Variants in ZNF475 observed in about 807,000 individuals in gnomAD.
ZNF475 encodes the protein zinc finger protein 475.
the ZNF475 span, among the ~76,000 whole-genome samples, chr5:122,168,667 C>T: frequency 6.6e-6 from 1 of 152,158 alleles, no homozygotes; most frequent in East Asian, 1.9e-4. Flanking sequence ...GAGCCGAGAT[C>T]GTGCCACTGC....
chr5:122,165,037 G>C, the ZNF475 span, among the ~76,000 whole-genome samples: 1 of 152,204 alleles, frequency 6.6e-6, no homozygotes, highest in Non-Finnish European at 1.5e-5. Context: ...CCCACTGTTA[G>C]GGCAAGTTCT....
At chr5:122,182,513 T>C in the ZNF475 span, 1 of 1,520,190 alleles carries the variant, frequency 6.6e-7, no homozygotes, top group African/African-American at 1.4e-5. Context: ...ATGATCTTGA[T>C]GCTTTAAATG....
At chr5:122,179,469 G>T in the ZNF475 span, 1 of 618,320 alleles carries the variant, frequency 1.6e-6, no homozygotes. Context: ...TCCCTTGTAA[G>T]TTGTATTCCT....
the ZNF475 span, among the ~76,000 whole-genome samples, chr5:122,165,761 CA>C: frequency 0.34 from 39,442 of 117,188 alleles, 7,085 homozygotes; most frequent in African/African-American, 0.57. Flanking sequence ...ATGCAACCTA[CA>C]AAAAAAAAAA....
chr5:122,169,053 T>G, the ZNF475 span, among the ~76,000 whole-genome samples: 3 of 152,206 alleles, frequency 2.0e-5, no homozygotes, highest in Non-Finnish European at 4.4e-5. Flanking sequence ...CGTGTTTCCA[T>G]CCTATGTGGA....
the ZNF475 span, among the ~76,000 whole-genome samples, chr5:122,171,386 T>C: frequency 6.6e-6 from 1 of 152,208 alleles, no homozygotes; most frequent in Non-Finnish European, 1.5e-5. Context: ...TCCAGGCATC[T>C]GTGTACACAG....
At chr5:122,179,240 G>C in the ZNF475 span, among the ~76,000 whole-genome samples, 4 of 152,066 alleles carry the variant, frequency 2.6e-5, no homozygotes, top group African/African-American at 4.8e-5. Context: ...TTTTGGTTCA[G>C]TATAAAATTT....
At chr5:122,179,814 C>A in the ZNF475 span, 1 of 1,060,322 alleles carries the variant, frequency 9.4e-7, no homozygotes, top group South Asian at 2.3e-5. Flanking sequence ...TCTTTTTTCA[C>A]TTGTTCAAAC....
At chr5:122,172,434 G>A in the ZNF475 span, among the ~76,000 whole-genome samples, 422 of 152,260 alleles carry the variant, frequency 2.8e-3, no homozygotes, top group Non-Finnish European at 4.7e-3. Flanking sequence ...GGAAGAGAAA[G>A]TTTGGCTCTG....
chr5:122,172,662 T>C, the ZNF475 span, among the ~76,000 whole-genome samples: 1 of 152,234 alleles, frequency 6.6e-6, no homozygotes, highest in African/African-American at 2.4e-5. Context: ...CTGAACTCCC[T>C]TGTAAATAAC....
the ZNF475 span, chr5:122,160,296 T>A: frequency 1.6e-6 from 2 of 1,288,754 alleles, no homozygotes; most frequent in South Asian, 1.2e-5. Flanking sequence ...CATTGTTGGC[T>A]CCAGAAGGCA....
At chr5:122,160,244 G>A in the ZNF475 span, 3 of 1,289,668 alleles carry the variant, frequency 2.3e-6, no homozygotes, top group Admixed American at 2.3e-5. Flanking sequence ...CTCTCACATC[G>A]ACAGACCACA....
At chr5:122,170,092 A>ATAAAATAGT in the ZNF475 span, among the ~76,000 whole-genome samples, 8 of 152,266 alleles carry the variant, frequency 5.3e-5, no homozygotes, top group Admixed American at 5.2e-4. Flanking sequence ...AATTAGCAAA[A>ATAAAATAGT]TAAAATAGTA....
chr5:122,169,205 A>C, the ZNF475 span, among the ~76,000 whole-genome samples: 15 of 152,166 alleles, frequency 9.9e-5, no homozygotes, highest in African/African-American at 3.6e-4. Flanking sequence ...TGGCTGAGGG[A>C]GTTCTCCTCT....
At chr5:122,164,629 A>ATTGTATTTATATAATACATC in the ZNF475 span, among the ~76,000 whole-genome samples, 2 of 152,172 alleles carry the variant, frequency 1.3e-5, no homozygotes, top group Non-Finnish European at 2.9e-5. Context: ...CACCTGTGGG[A>ATTGTATTTATATAATACATC]GTCTCTGGAA....
At chr5:122,172,134 T>C in the ZNF475 span, among the ~76,000 whole-genome samples, 12 of 152,224 alleles carry the variant, frequency 7.9e-5, no homozygotes, top group African/African-American at 2.9e-4. Flanking sequence ...TTTTAGCTTT[T>C]TTGTTGTTTC....
chr5:122,180,476 G>C, the ZNF475 span, among the ~76,000 whole-genome samples: 1 of 152,154 alleles, frequency 6.6e-6, no homozygotes, highest in Admixed American at 6.5e-5. Context: ...GCCATGTTTC[G>C]CCTCATCACA....
At chr5:122,180,516 A>T in the ZNF475 span, among the ~76,000 whole-genome samples, 1 of 152,222 alleles carries the variant, frequency 6.6e-6, no homozygotes, top group African/African-American at 2.4e-5. Context: ...TTAGGGTATG[A>T]GAATAGTTAA....
the ZNF475 span, among the ~76,000 whole-genome samples, chr5:122,173,989 T>A: frequency 6.6e-6 from 1 of 152,258 alleles, no homozygotes; most frequent in African/African-American, 2.4e-5. Flanking sequence ...TTTGCCTTTC[T>A]TGGATAACGC....
Sources: allele counts gnomAD v4.1 joint callset (sites outside exome capture counted in the v4.1 genomes callset), GRCh38; gene constraint gnomAD v4.1.1; transcripts MANE v1.5; gene names NCBI Gene and HGNC (gene_info 2026-07-23, HGNC 2026-07-21).